Variants in PDE6B observed in about 807,000 individuals in gnomAD.
PDE6B encodes rod cGMP-specific 3',5'-cyclic phosphodiesterase subunit beta.
A neutral mutation model predicts 109.0 loss-of-function variants in PDE6B; 106 were observed. The observed-to-expected ratio is 0.97, with a 90% CI of 0.83 to 1.14. The LOEUF is 1.14. Among genes scored for constraint, PDE6B ranks in the 50% most tolerant of loss-of-function variants. The pLI is 0.00. For synonymous variants in PDE6B, 490 were observed against 471.3 expected, an observed-to-expected ratio of 1.04 and a Z score of -0.51; for missense variants, 1,193 against 1,155.6, an observed-to-expected ratio of 1.03 and a Z score of -0.47.
intron 2 of PDE6B, 140 bp from the exon 3 acceptor site, chr4:635,740 A>C: frequency 1.4e-6 from 1 of 704,910 alleles, no homozygotes; most frequent in Non-Finnish European, 2.6e-6. Context: ...GTGTGTGCCA[A>C]TCCATGTCTG....
chr4:654,663 C>T (rs1735984067), intron 5 of PDE6B, 161 bp from the exon 6 acceptor site: 1 of 739,172 alleles, frequency 1.4e-6, no homozygotes, highest in Non-Finnish European at 2.5e-6. Flanking sequence ...AATACCTGCG[C>T]ACGGCGGAGA....
At chr4:647,539 G>A (rs1735263644) in intron 3 of PDE6B, among the ~76,000 whole-genome samples, 1 of 152,046 alleles carries the variant, frequency 6.6e-6, no homozygotes, top group African/African-American at 2.4e-5. Flanking sequence ...TCCAGATGAA[G>A]GTGCTGACCA....
intron 11 of PDE6B, among the ~76,000 whole-genome samples, chr4:659,222 CCT>C (rs1736734956): frequency 6.6e-6 from 1 of 152,078 alleles, no homozygotes; most frequent in Non-Finnish European, 1.5e-5. Flanking sequence ...CCAGTGTGTC[CCT>C]GAGTGTGTTT....
intron 1 of PDE6B, among the ~76,000 whole-genome samples, chr4:628,861 C>T (rs539057357): frequency 6.6e-6 from 1 of 152,340 alleles, no homozygotes; most frequent in South Asian, 2.1e-4. Context: ...CAGAACCCCA[C>T]GACTACACAT....
chr4:659,569 G>T (rs1265542632), intron 11 of PDE6B, among the ~76,000 whole-genome samples: 1 of 151,634 alleles, frequency 6.6e-6, no homozygotes, highest in African/African-American at 2.4e-5. Flanking sequence ...GTGTGCACAT[G>T]TGGGTGTGTG....
In PDE6B at chr4:626,032, A is replaced by G. The variant is rs780345903; in HGVS notation, c.406A>G (p.Ile136Val). ...CTCCGAGATCGTCTTCCCACTGGAC[A>G]TCGGGGTCGTGGGCCACGTGGCTCA... Reference protein sequence around the residue: ...PDSEIVFPLDIGVVGHVAQTK... With the variant: ...PDSEIVFPLDVGVVGHVAQTK... The change falls in exon 1 of 22, where the codon ATC (isoleucine) becomes GTC (valine). Residue 136 changes from isoleucine (I) to valine (V), a missense_variant. Physicochemically the swap from Ile to Val is conservative, Grantham distance 29. Coordinates refer to ENST00000496514, the MANE Select transcript of PDE6B (RefSeq NM_000283.4). The surrounding 1 kb of genome is among the most constrained non-coding windows in gnomAD (Gnocchi z 4.6). The G allele has an allele frequency of 1.9e-6, 3 of 1,595,922 alleles. No individual in the cohort carries two copies. The highest frequency in any genetic ancestry group is 1.7e-5 in the Admixed American group (1 of 57,828).
chr4:659,129 G>A (rs772995734), intron 11 of PDE6B, 112 bp downstream of exon 11: 37 of 790,128 alleles, frequency 4.7e-5, no homozygotes, highest in Admixed American at 4.6e-4. Context: ...GGTCATCAGG[G>A]ATGTTGGTGC....
chr4:657,095 C>T lies in PDE6B; in HGVS notation c.1257+72C>T, dbSNP rs537975097. 223 of 1,470,602 alleles carry T rather than the reference C, an allele frequency of 1.5e-4. 2 individuals carry two copies. In the Middle Eastern group the frequency reaches 1.9e-3, roughly 13 times the overall value. The allele number at this position is 1,470,602 out of a possible 1,614,324, so 91.1% of individuals were successfully genotyped here. A position where few individuals can be genotyped will look rare whatever the true frequency, so the allele number is the denominator to read the frequency against. On this transcript the variant is annotated intron_variant, in intron 9 of 21. Coordinates refer to ENST00000496514, the MANE Select transcript of PDE6B (RefSeq NM_000283.4). ...GGTGGGGCCTGTGCGGTGTGGGGGC[C>T]TCCCCGCCAAGCATTCGGCTGTGTG...
At chr4:629,174 C>T (rs1230326564) in intron 1 of PDE6B, among the ~76,000 whole-genome samples, 1 of 152,218 alleles carries the variant, frequency 6.6e-6, no homozygotes, top group Non-Finnish European at 1.5e-5. Context: ...AAGCACAGGT[C>T]GGGTGCAGAG....
At chr4:657,639 G>C in intron 10 of PDE6B, 145 bp downstream of exon 10, 2 of 749,406 alleles carry the variant, frequency 2.7e-6, no homozygotes, top group South Asian at 3.2e-5. Context: ...GCTGTGCGGT[G>C]GGGGCAGGTC....
intron 10 of PDE6B, 107 bp downstream of exon 10, chr4:657,601 G>A (rs1402100676): frequency 8.7e-7 from 1 of 1,146,626 alleles, no homozygotes; most frequent in Non-Finnish European, 1.3e-6. Flanking sequence ...GTGGGGGCAG[G>A]TCATCCAGGG....
rs1307221523 is a variant in PDE6B at position 636,013 on chromosome 4, C to A, written c.711+44C>A. 8.7e-7 allele frequency: 1 copy of A among 1,143,622 alleles called. No homozygotes were observed. The highest frequency in any genetic ancestry group is 1.3e-6 in the Non-Finnish European group (1 of 751,778). The allele number at this position is 1,143,622 out of a possible 1,614,324, so 70.8% of individuals were successfully genotyped here. On this transcript the variant is annotated intron_variant, in intron 3 of 21. Transcript: ENST00000496514. The surrounding 1 kb of genome is among the most constrained non-coding windows in gnomAD (Gnocchi z 4.5). Reference sequence around the variant, plus strand: ...CAGCTCTGCCCACGAGGGCCAGGGTCCCTCCGCCCATCTCGCTGCCTGCAC... The same window carrying A: ...CAGCTCTGCCCACGAGGGCCAGGGTACCTCCGCCCATCTCGCTGCCTGCAC...
In PDE6B at chr4:662,232, G is replaced by C. The variant is rs148025711; in HGVS notation, c.1713G>C (p.Thr571=). The C allele has an allele frequency of 1.3e-6, 2 of 1,547,668 alleles. No individual in the cohort carries two copies. Among genetic ancestry groups the C allele is most frequent in the Non-Finnish European group, 1.8e-6 (2 of 1,137,862 alleles). ...HGFNVAQTMF[T]LLMTGKLKSY... ...TCAACGTGGCCCAGACGATGTTCAC[G>C]CTGCTCATGGTACGTGGCTGCCAGA... Residue 571 remains threonine, a synonymous_variant, in exon 13 of 22, where the codon ACG becomes ACC. Coordinates refer to ENST00000496514, the MANE Select transcript of PDE6B (RefSeq NM_000283.4). The surrounding 1 kb of genome is among the most constrained non-coding windows in gnomAD (Gnocchi z 4.3).
In PDE6B at chr4:666,092, G is replaced by A. The variant is rs141766293; in HGVS notation, c.2269-439G>A. ...AGGGGACGGACAGCCCAGGGCACTC[G>A]GGGTCTGACACTAGAAACAGCTCCA... On this transcript the variant is annotated intron_variant, in intron 19 of 21. Coordinates refer to ENST00000496514, the MANE Select transcript of PDE6B (RefSeq NM_000283.4). The surrounding 1 kb of genome is among the most constrained non-coding windows in gnomAD (Gnocchi z 5.6). Among the ~76,000 whole-genome samples, 159 of 152,256 alleles carry A rather than the reference G, an allele frequency of 1.0e-3. No homozygotes were observed. Among genetic ancestry groups the A allele is most frequent in the Non-Finnish European group, 1.9e-3 (128 of 67,998 alleles).
chr4:657,473 G>T lies in PDE6B; in HGVS notation c.1380G>T (p.Arg460Ser). ...TCCTTTACCACGTGAAGTGCGACAG[G>T]GACGAGATCCAGCTCATCCTGGTGC... ...DMVLYHVKCD[R>S]DEIQLILPTR... The change falls in exon 10 of 22, where the codon AGG becomes AGT. Residue 460 changes from arginine to serine, a missense_variant. Physicochemically the swap from Arg to Ser is moderately radical, Grantham distance 110. Transcript: ENST00000496514. The T allele has an allele frequency of 6.2e-7, 1 of 1,613,320 alleles. No homozygotes were observed. Among genetic ancestry groups the T allele is most frequent in the Non-Finnish European group, 8.5e-7 (1 of 1,179,906 alleles).
At position 662,419 on chromosome 4, in the gene PDE6B, C is replaced by G. The variant is rs1478855215; in HGVS notation, c.1723-90C>G. 4 of 978,878 alleles carry G rather than the reference C, an allele frequency of 4.1e-6. No individual in the cohort carries two copies. The Admixed American group carries it at 5.4e-5, about 13-fold the overall frequency. The allele number at this position is 978,878 out of a possible 1,614,324, so 60.6% of individuals were successfully genotyped here. ...CCTGCGGTGGTCGGAGGTCCAACCTCCAACCCGACGCCTAGGTCATCCCAA... is the reference window on the plus strand; with the variant it reads ...CCTGCGGTGGTCGGAGGTCCAACCTGCAACCCGACGCCTAGGTCATCCCAA... On this transcript the variant is annotated intron_variant, in intron 13 of 21. Transcript: ENST00000496514. The surrounding 1 kb of genome is among the most constrained non-coding windows in gnomAD (Gnocchi z 4.3).
chr4:656,264 C>T lies in PDE6B; in HGVS notation c.1079C>T (p.Ala360Val). The T allele has an allele frequency of 6.3e-7, 1 of 1,596,940 alleles. No homozygotes were observed. Among genetic ancestry groups the T allele is most frequent in the Non-Finnish European group, 8.6e-7 (1 of 1,164,464 alleles). ...TTTCAGATTTGTAACATCATGAATG[C>T]TTCCGCTGACGAAATGTTCAAATTT... ...ESGFICNIMN[A>V]SADEMFKFQE... Residue 360 changes from alanine (A) to valine (V), a missense_variant, in exon 8 of 22, where the codon GCT (alanine) becomes GTT (valine). By Grantham distance (64) the Ala-to-Val change is moderately conservative. Transcript: ENST00000496514.
chr4:670,550 T>G lies in PDE6B; in HGVS notation c.*443T>G, dbSNP rs1045670515. 10 of 222,324 alleles carry G rather than the reference T, an allele frequency of 4.5e-5. No individual in the cohort carries two copies. Among genetic ancestry groups the G allele is most frequent in the Non-Finnish European group, 8.2e-5 (9 of 109,412 alleles). The allele number at this position is 222,324 out of a possible 1,614,324, so 13.8% of individuals were successfully genotyped here. ...AGCCACCACGCCCAGCCTGTTTTTA[T>G]AAACTGAAGCCAACTGTGAATAAAC... On this transcript the variant is annotated 3_prime_UTR_variant, in exon 22 of 22. Transcript: ENST00000496514.
chr4:662,104 C>A lies in PDE6B; in HGVS notation c.1615-30C>A, dbSNP rs372528826. The A allele has an allele frequency of 3.6e-6, 4 of 1,126,318 alleles. No homozygotes were observed. Among genetic ancestry groups the A allele is most frequent in the South Asian group, 2.6e-5 (2 of 75,822 alleles). The allele number at this position is 1,126,318 out of a possible 1,614,324, so 69.8% of individuals were successfully genotyped here. On this transcript the variant is annotated intron_variant, in intron 12 of 21. Transcript: ENST00000496514. The surrounding 1 kb of genome is among the most constrained non-coding windows in gnomAD (Gnocchi z 4.3). ...CTGGCGGGACTTACACGCTTGCCGC[C>A]GGAGCCCTGTGTCCTCTCGGCTCCC...
Sources: gnomAD v4.1 joint callset for allele counts (sites outside exome capture counted in the v4.1 genomes callset) on GRCh38, gnomAD v4.1.1 for gene constraint, Gnocchi (gnomAD v3.1) non-coding constraint, MANE v1.5 for transcripts, NCBI Gene and HGNC (gene_info 2026-07-23, HGNC 2026-07-21) for gene names.